The following CMSS1 variants were observed in gnomAD, a reference collection of about 807,000 sequenced individuals.
CMSS1 encodes the protein cms1 ribosomal small subunit homolog, also known as protein CMSS1.
In CMSS1, 33 loss-of-function variants were observed where a neutral mutation model predicts 43.5. The ratio of observed to expected loss-of-function variants is 0.76; its 90% CI spans 0.57 to 1.01. CMSS1 has a LOEUF of 1.01. Ranked by LOEUF, CMSS1 falls within the 50% of genes least tolerant of loss-of-function variation. The pLI is 0.00. For synonymous variants in CMSS1, 115 were observed against 117.2 expected (o/e 0.98, Z 0.12); for missense variants, 313 against 326.4 (o/e 0.96, Z 0.32).
intron 1 of CMSS1, among the ~76,000 whole-genome samples, chr3:100,031,017 ATC>A (rs1697328245): frequency 6.6e-6 from 1 of 152,238 alleles, no homozygotes; most frequent in East Asian, 1.9e-4. Context: ...GAATATAAAC[ATC>A]TCTGTTACTC....
At chr3:99,949,246 A>G (rs1708105330) in intron 1 of CMSS1, among the ~76,000 whole-genome samples, 1 of 152,216 alleles carries the variant, frequency 6.6e-6, no homozygotes, top group South Asian at 2.1e-4. Flanking sequence ...CTAGGCCTAC[A>G]AAAAAACTTT....
chr3:99,837,337 T>C (rs1487606142), intron 1 of CMSS1, among the ~76,000 whole-genome samples: 1 of 151,924 alleles, frequency 6.6e-6, no homozygotes, highest in East Asian at 1.9e-4. Flanking sequence ...TTTCTGAGGC[T>C]TCAAAAGTGA....
At chr3:99,982,378 C>G (rs1709151415) in intron 1 of CMSS1, among the ~76,000 whole-genome samples, 1 of 151,710 alleles carries the variant, frequency 6.6e-6, no homozygotes, top group Admixed American at 6.6e-5. Context: ...CTCACTCTTT[C>G]AACCAGGCTA....
At chr3:100,160,286 T>A in intron 2 of CMSS1, 144 bp from the exon 3 acceptor site, 3 of 610,222 alleles carry the variant, frequency 4.9e-6, no homozygotes, top group Non-Finnish European at 9.1e-6. Context: ...CTACGGTAGA[T>A]CTTCCAGCAT....
intron 1 of CMSS1, among the ~76,000 whole-genome samples, chr3:100,071,247 C>G (rs945381164): frequency 1.4e-4 from 21 of 152,100 alleles, no homozygotes; most frequent in African/African-American, 5.1e-4. Context: ...TTACTCACTT[C>G]ATCTCCTGAG....
At chr3:99,908,888 G>A (rs1192108078) in intron 1 of CMSS1, among the ~76,000 whole-genome samples, 1 of 151,960 alleles carries the variant, frequency 6.6e-6, no homozygotes, top group African/African-American at 2.4e-5. Flanking sequence ...GTGTGTGTGT[G>A]TTCTTTCTTT....
chr3:100,170,516 T>C (rs1031256764), intron 6 of CMSS1, among the ~76,000 whole-genome samples: 4 of 152,158 alleles, frequency 2.6e-5, no homozygotes, highest in African/African-American at 9.7e-5. Flanking sequence ...TTGGGAAACA[T>C]TATCAGTTGC....
intron 1 of CMSS1, among the ~76,000 whole-genome samples, chr3:99,963,235 G>C (rs1156340431): frequency 1.3e-5 from 2 of 152,226 alleles, no homozygotes; most frequent in Non-Finnish European, 2.9e-5. Flanking sequence ...CCCCAGAATA[G>C]TGTGTGGTTT....
At chr3:99,841,049 C>A (rs901742918) in intron 1 of CMSS1, among the ~76,000 whole-genome samples, 6 of 152,170 alleles carry the variant, frequency 3.9e-5, no homozygotes, top group African/African-American at 1.4e-4. Context: ...TAATATCTGC[C>A]CCAGTGGCAA....
chr3:99,822,999 C>T (rs888634610), intron 1 of CMSS1, among the ~76,000 whole-genome samples: 5 of 152,180 alleles, frequency 3.3e-5, no homozygotes, highest in Non-Finnish European at 7.3e-5. Flanking sequence ...AGCTGTGATT[C>T]ATATGCAGGC....
Position 100,166,404 on chromosome 3 carries a change from C to T in CMSS1, c.415+10C>T. ...TCATACCTAAAAGAAAGTAAGTAAA[C>T]TCTGATTTTAATCTATTTAAACTCA... On this transcript the variant is annotated intron_variant, in intron 5 of 9. Coordinates refer to ENST00000421999, the MANE Select transcript of CMSS1 (RefSeq NM_032359.4). The T allele has an allele frequency of 6.5e-7, 1 of 1,539,560 alleles. No individual in the cohort carries two copies. The highest frequency in any genetic ancestry group is 2.2e-5 in the East Asian group (1 of 44,516).
chr3:100,129,054 G>A (rs769754445), intron 1 of CMSS1, among the ~76,000 whole-genome samples: 1 of 152,082 alleles, frequency 6.6e-6, no homozygotes, highest in African/African-American at 2.4e-5. Context: ...ACAGTATCAT[G>A]AGATAACTCC....
chr3:99,955,824 T>C (rs749579071), intron 1 of CMSS1, among the ~76,000 whole-genome samples: 1 of 152,220 alleles, frequency 6.6e-6, no homozygotes, highest in Non-Finnish European at 1.5e-5. Flanking sequence ...GTTCTCCATT[T>C]TCACAGATTA....
chr3:99,950,487 C>G (rs1708143431), intron 1 of CMSS1, among the ~76,000 whole-genome samples: 1 of 152,108 alleles, frequency 6.6e-6, no homozygotes, highest in African/African-American at 2.4e-5. Flanking sequence ...TTTTTCACTT[C>G]TTTATATTAT....
At chr3:99,866,371 TC>T (rs1944519091) in intron 1 of CMSS1, among the ~76,000 whole-genome samples, 1 of 152,142 alleles carries the variant, frequency 6.6e-6, no homozygotes, top group Non-Finnish European at 1.5e-5. Flanking sequence ...ACCAAACGTT[TC>T]CTAACTTGTT....
chr3:99,863,341 G>A (rs888552804), intron 1 of CMSS1, among the ~76,000 whole-genome samples: 1 of 152,260 alleles, frequency 6.6e-6, no homozygotes, highest in East Asian at 1.9e-4. Context: ...TATGTGACCC[G>A]GTAATAGGCC....
intron 1 of CMSS1, among the ~76,000 whole-genome samples, chr3:99,981,395 C>T (rs1336238752): frequency 1.3e-5 from 2 of 152,142 alleles, no homozygotes; most frequent in African/African-American, 2.4e-5. Flanking sequence ...CCATGTGTGT[C>T]ACAGCATCCA....
chr3:99,938,226 C>T (rs563110659), intron 1 of CMSS1, among the ~76,000 whole-genome samples: 1 of 152,362 alleles, frequency 6.6e-6, no homozygotes, highest in Admixed American at 6.5e-5. Flanking sequence ...ACCCCCAGCC[C>T]TCTCACAGAC....
chr3:100,008,400 A>G (rs778550859), intron 1 of CMSS1, among the ~76,000 whole-genome samples: 12 of 152,218 alleles, frequency 7.9e-5, no homozygotes, highest in Non-Finnish European at 1.6e-4. Context: ...CAAGATTTTC[A>G]TATGAGTTGC....
Sources: gnomAD v4.1 joint callset for allele counts (sites outside exome capture counted in the v4.1 genomes callset) on GRCh38, gnomAD v4.1.1 for gene constraint, MANE v1.5 for transcripts, NCBI Gene and HGNC (gene_info 2026-07-23, HGNC 2026-07-21) for gene names.